Variants in STK24 observed in about 807,000 individuals in gnomAD.
The protein encoded by STK24 is serine/threonine-protein kinase 24.
A neutral mutation model predicts 55.6 loss-of-function variants in STK24; 21 were observed. The ratio of observed to expected loss-of-function variants is 0.38; its 90% confidence interval spans 0.27 to 0.54. The LOEUF (loss-of-function observed/expected upper bound fraction) is 0.54. STK24 is among the 20% of genes least tolerant of loss of function. The pLI is 0.79. For synonymous variants in STK24, 200 were observed against 215.2 expected, an observed-to-expected ratio of 0.93 and a Z score of 0.62; for missense variants, 383 against 538.4, an observed-to-expected ratio of 0.71 and a Z score of 2.86.
chr13:98,468,619 C>T (rs73556229), intron 5 of STK24, among the ~76,000 whole-genome samples: 2,281 of 152,318 alleles, frequency 0.015, 73 homozygotes, highest in African/African-American at 0.052. Flanking sequence ...TGTGATTCCA[C>T]ATCTGTCTGC....
At chr13:98,564,528 G>A (rs1242548446) in intron 1 of STK24, among the ~76,000 whole-genome samples, 1 of 152,352 alleles carries the variant, frequency 6.6e-6, no homozygotes, top group South Asian at 2.1e-4. Flanking sequence ...CAGAGGAGCT[G>A]AAGAGCAGAG....
intron 6 of STK24, among the ~76,000 whole-genome samples, chr13:98,465,686 A>T (rs148872256): frequency 6.6e-6 from 1 of 152,234 alleles, no homozygotes; most frequent in Non-Finnish European, 1.5e-5. Flanking sequence ...CCATTTTTAC[A>T]TAAGAGTTAA....
In STK24 at chr13:98,472,495, A is replaced by G. The variant is rs539451451; in HGVS notation, c.597+2326T>C. ...CACATGGCCCTGTCTCCTTTTTTCC[A>G]CGGCACTTTGCATGATCTGAAACTG... On this transcript the variant is annotated intron_variant, in intron 5 of 10. Coordinates refer to ENST00000539966, the MANE Select transcript of STK24 (RefSeq NM_001032296.4). Among the ~76,000 whole-genome samples the G allele has an allele frequency of 3.3e-5, 5 of 152,282 alleles. No individual in the cohort carries two copies. In the East Asian group the frequency reaches 9.7e-4, roughly 29 times the overall value.
rs1286859665 is a variant in STK24 at position 98,452,626 on chromosome 13, T to C, written c.*547A>G. On this transcript the variant is annotated 3_prime_UTR_variant, in exon 11 of 11. Transcript: ENST00000539966. ...AAGGCAAGGCAATAGACTCAAGTTA[T>C]GGCCTGTCGAATATTTACTCCACTG... 1 of 152,834 alleles carries C rather than the reference T, an allele frequency of 6.5e-6. No homozygotes were observed. The highest frequency in any genetic ancestry group is 1.5e-5 in the Non-Finnish European group (1 of 68,180). The allele number at this position is 152,834 out of a possible 1,614,324, so 9.5% of individuals were successfully genotyped here. A position where few individuals can be genotyped will look rare whatever the true frequency, so the allele number is the denominator to read the frequency against.
intron 5 of STK24, among the ~76,000 whole-genome samples, chr13:98,472,668 A>G (rs1894196715): frequency 6.6e-6 from 1 of 152,200 alleles, no homozygotes; most frequent in South Asian, 2.1e-4. Context: ...ATTTTTTAAT[A>G]AGTTTGTAAT....
At chr13:98,563,875 A>G (rs1897497505) in intron 1 of STK24, among the ~76,000 whole-genome samples, 1 of 151,832 alleles carries the variant, frequency 6.6e-6, no homozygotes, top group African/African-American at 2.4e-5. Context: ...AAAAAAAAAA[A>G]GTTTCCAATT....
chr13:98,556,365 C>T (rs762268123), intron 1 of STK24, among the ~76,000 whole-genome samples: 2 of 152,244 alleles, frequency 1.3e-5, no homozygotes, highest in African/African-American at 4.8e-5. Flanking sequence ...CCTTTATCAT[C>T]GGCTGGGGCA....
At chr13:98,525,695 C>T (rs1270995863) in intron 1 of STK24, among the ~76,000 whole-genome samples, 4 of 152,152 alleles carry the variant, frequency 2.6e-5, no homozygotes, top group Admixed American at 6.5e-5. Context: ...CACCGAGCCT[C>T]GAGCCCCACA....
intron 1 of STK24, among the ~76,000 whole-genome samples, chr13:98,571,298 C>T (rs183559819): frequency 1.6e-4 from 25 of 152,256 alleles, no homozygotes; most frequent in Admixed American, 3.3e-4. Flanking sequence ...CATTAGGCAG[C>T]TCAGCTCTAC....
In STK24 at chr13:98,448,275, G is replaced by A. The variant is rs531432060; in HGVS notation, c.*4898C>T. The A allele has an allele frequency of 8.1e-6, 13 of 1,614,112 alleles. No homozygotes were observed. The highest frequency in any genetic ancestry group is 2.7e-5 in the African/African-American group (2 of 75,050). ...TCCGCAGTGCCACCAGCTCTGCCTCGCGACCCCACGTGTTGAGTCACAAAG... is the reference window on the plus strand; with the variant it reads ...TCCGCAGTGCCACCAGCTCTGCCTCACGACCCCACGTGTTGAGTCACAAAG... On this transcript the variant is annotated 3_prime_UTR_variant, in exon 11 of 11. Coordinates refer to ENST00000539966, the MANE Select transcript of STK24 (RefSeq NM_001032296.4).
intron 2 of STK24, among the ~76,000 whole-genome samples, chr13:98,491,097 C>T (rs1474075744): frequency 6.6e-6 from 1 of 152,126 alleles, no homozygotes; most frequent in African/African-American, 2.4e-5. Context: ...GGGTTTCTGG[C>T]GTACATCATG....
intron 2 of STK24, among the ~76,000 whole-genome samples, chr13:98,506,813 G>A (rs1797754419): frequency 6.6e-6 from 1 of 152,260 alleles, no homozygotes; most frequent in Admixed American, 6.5e-5. Flanking sequence ...TAAATACGGT[G>A]GCCGTGAGTA....
intron 2 of STK24, among the ~76,000 whole-genome samples, chr13:98,505,796 C>G (rs1366304353): frequency 6.6e-6 from 1 of 152,210 alleles, no homozygotes; most frequent in South Asian, 2.1e-4. Flanking sequence ...TATTATATAT[C>G]AACACATCAT....
chr13:98,534,137 C>T (rs1461304436), intron 1 of STK24, among the ~76,000 whole-genome samples: 1 of 152,194 alleles, frequency 6.6e-6, no homozygotes, highest in Non-Finnish European at 1.5e-5. Context: ...TCACAAAGCT[C>T]CAGCACCCCC....
At chr13:98,503,174 A>T (rs1895554956) in intron 2 of STK24, among the ~76,000 whole-genome samples, 1 of 152,132 alleles carries the variant, frequency 6.6e-6, no homozygotes, top group Non-Finnish European at 1.5e-5. Context: ...AAAAAAAACA[A>T]GTTAAAGATG....
intron 1 of STK24, among the ~76,000 whole-genome samples, chr13:98,572,240 G>A (rs1314278139): frequency 1.3e-5 from 2 of 152,106 alleles, no homozygotes; most frequent in Non-Finnish European, 1.5e-5. Flanking sequence ...ACTATACTCT[G>A]CAGGCTCCCC....
At chr13:98,534,876 T>A (rs1487322960) in intron 1 of STK24, among the ~76,000 whole-genome samples, 1 of 152,210 alleles carries the variant, frequency 6.6e-6, no homozygotes, top group Non-Finnish European at 1.5e-5. Context: ...TGAGTAACAA[T>A]AAAACTCTGG....
intron 10 of STK24, chr13:98,455,081 A>C (rs1044504140): frequency 1.3e-5 from 2 of 152,170 alleles, no homozygotes; most frequent in African/African-American, 4.8e-5. Context: ...ACACACACCA[A>C]CTCCAAAGAC....
chr13:98,502,872 C>T (rs1468770752), intron 2 of STK24, among the ~76,000 whole-genome samples: 2 of 152,062 alleles, frequency 1.3e-5, no homozygotes, highest in African/African-American at 4.8e-5. Flanking sequence ...CACTGGGAAT[C>T]CTAATTTCTT....
Sources: allele counts gnomAD v4.1 joint callset (sites outside exome capture counted in the v4.1 genomes callset), GRCh38; gene constraint gnomAD v4.1.1; transcripts MANE v1.5; gene names NCBI Gene and HGNC (gene_info 2026-07-23, HGNC 2026-07-21).